PPP1R21: variants seen among roughly 807,000 people sequenced by gnomAD.
PPP1R21 encodes protein phosphatase 1 regulatory subunit 21.
In PPP1R21, 85 loss-of-function variants were observed where a neutral mutation model predicts 112.8. That is an observed-to-expected ratio of 0.75 (90% CI 0.63 to 0.90). The LOEUF (loss-of-function observed/expected upper bound fraction) is 0.90, where lower values mean the gene tolerates loss of function less well. Among genes scored for constraint, PPP1R21 ranks in the 40% least tolerant of loss-of-function variants. PPP1R21 has a pLI of 0.00. For missense variants in PPP1R21, 1,199 were observed against 901.5 expected (o/e 1.33, Z -4.23); for synonymous variants, 381 against 322.3 (o/e 1.18, Z -1.95).
intron 2 of PPP1R21, among the ~76,000 whole-genome samples, chr2:48,454,220 C>G (rs1191459814): frequency 6.6e-6 from 1 of 152,012 alleles, no homozygotes; most frequent in Non-Finnish European, 1.5e-5. Context: ...GAGATTGTGC[C>G]ACTGCACTCC....
intron 16 of PPP1R21, among the ~76,000 whole-genome samples, chr2:48,498,184 CTAGT>C (rs1365078486): frequency 2.0e-5 from 3 of 150,880 alleles, no homozygotes; most frequent in Non-Finnish European, 2.9e-5. Context: ...CTTGTATGTT[CTAGT>C]TATTGGGTCT....
chr2:48,482,521 A>C (rs540265296), intron 13 of PPP1R21, among the ~76,000 whole-genome samples: 34 of 152,292 alleles, frequency 2.2e-4, no homozygotes, highest in African/African-American at 7.9e-4. Flanking sequence ...TTTTGAAGGA[A>C]ACTTATTGTG....
At position 48,515,050 on chromosome 2, in the gene PPP1R21, A is replaced by G; in HGVS notation, c.*306A>G. On this transcript the variant is annotated 3_prime_UTR_variant, in exon 22 of 22. Transcript: ENST00000294952. ...TTAGGTTTTAATTTCAGTATGTAAG[A>G]ACAAATATTTTGTATACTTTCAAAC... 3.0e-6 allele frequency: 1 copy of G among 333,066 alleles called. No homozygotes were observed. Among genetic ancestry groups the G allele is most frequent in the Non-Finnish European group, 5.4e-6 (1 of 185,508 alleles). 20.6% of individuals were successfully genotyped at this position (333,066 alleles called of 1,614,324 possible).
At chr2:48,469,535 T>TAGAGAGAGAG (rs1286076900) in intron 9 of PPP1R21, among the ~76,000 whole-genome samples, 1 of 73,234 alleles carries the variant, frequency 1.4e-5, no homozygotes, top group African/African-American at 5.7e-5. Flanking sequence ...TATATATATA[T>TAGAGAGAGAG]AGAGCATATA....
intron 13 of PPP1R21, among the ~76,000 whole-genome samples, chr2:48,483,923 A>G (rs1446285280): frequency 6.6e-6 from 1 of 151,890 alleles, no homozygotes; most frequent in Non-Finnish European, 1.5e-5. Context: ...CCTGGACTCA[A>G]GTGATCCTTC....
At chr2:48,502,698 T>G (rs1670176101) in intron 17 of PPP1R21, among the ~76,000 whole-genome samples, 1 of 146,870 alleles carries the variant, frequency 6.8e-6, no homozygotes, top group African/African-American at 2.6e-5. Context: ...TTTTTTTTTT[T>G]GAGACGGAGT....
intron 11 of PPP1R21, among the ~76,000 whole-genome samples, chr2:48,472,689 C>G (rs931383606): frequency 2.0e-5 from 3 of 151,694 alleles, no homozygotes; most frequent in Non-Finnish European, 2.9e-5. Flanking sequence ...TGGCACATGC[C>G]TGTAATCCCA....
chr2:48,513,398 C>T (rs932099043), intron 21 of PPP1R21, among the ~76,000 whole-genome samples: 1 of 149,832 alleles, frequency 6.7e-6, no homozygotes, highest in Admixed American at 6.7e-5. Flanking sequence ...ATTTTTGCAA[C>T]AGGGTTTCAC....
chr2:48,448,801 T>G (rs937536216), intron 1 of PPP1R21, among the ~76,000 whole-genome samples: 2 of 152,214 alleles, frequency 1.3e-5, no homozygotes, highest in Admixed American at 6.5e-5. Flanking sequence ...AGAGCAGAGT[T>G]TACCAAGCTC....
chr2:48,461,954 G>T (rs1667997613), intron 7 of PPP1R21, among the ~76,000 whole-genome samples: 1 of 152,128 alleles, frequency 6.6e-6, no homozygotes, highest in Non-Finnish European at 1.5e-5. Flanking sequence ...AAAAATAGCA[G>T]TTTGATTTAA....
Position 48,457,214 on chromosome 2 carries a change from C to G in PPP1R21, c.274-912C>G, listed in dbSNP as rs552953373. Among the ~76,000 whole-genome samples, 7 of 152,274 alleles carry G rather than the reference C, an allele frequency of 4.6e-5. No homozygotes were observed. In the East Asian group the frequency reaches 1.3e-3, roughly 29 times the overall value. On this transcript the variant is annotated intron_variant, in intron 3 of 21. Coordinates refer to ENST00000294952, the MANE Select transcript of PPP1R21 (RefSeq NM_001135629.3). Reference sequence around the variant, plus strand: ...AGAATTAATTTTAATTAAAGCTCATCAAATTTGGAAGCACTAAGGACCCTG... The same window carrying G: ...AGAATTAATTTTAATTAAAGCTCATGAAATTTGGAAGCACTAAGGACCCTG...
Position 48,459,833 on chromosome 2 carries a change from C to A in PPP1R21, c.455C>A (p.Ala152Asp), listed in dbSNP as rs781108104. ...CTGGCCACTCTGGAGACAGAAGCAG[C>A]CCAGCACCAAGCTGTGGTTGACGGT... is the stretch of plus-strand genomic sequence containing the variant. ...SRLATLETEA[A>D]QHQAVVDGLT... Residue 152 changes from alanine (A) to aspartate (D), a missense_variant, in exon 5 of 22, where the codon GCC (alanine) becomes GAC (aspartate). By Grantham distance (126) the Ala-to-Asp change is moderately radical (BLOSUM62 -2). Coordinates refer to ENST00000294952, the MANE Select transcript of PPP1R21 (RefSeq NM_001135629.3). 6.2e-7 allele frequency: 1 copy of A among 1,614,152 alleles called. No individual in the cohort carries two copies. The highest frequency in any genetic ancestry group is 8.5e-7 in the Non-Finnish European group (1 of 1,180,032).
At chr2:48,445,496 C>T (rs1667207449) in intron 1 of PPP1R21, among the ~76,000 whole-genome samples, 1 of 152,152 alleles carries the variant, frequency 6.6e-6, no homozygotes, top group Non-Finnish European at 1.5e-5. Context: ...TGTTAAACTG[C>T]TGATTCTGGT....
At chr2:48,474,919 G>C in intron 12 of PPP1R21, 100 bp downstream of exon 12, 2 of 1,002,148 alleles carry the variant, frequency 2.0e-6, no homozygotes, top group Non-Finnish European at 2.9e-6. Context: ...GAGGAGCATA[G>C]GATCTGGCAT....
rs1266476525 is a variant in PPP1R21, at chr2:48,440,827, GGCGGCGGCT to G, written c.-122_-114del. The G allele has an allele frequency of 1.0e-5, 7 of 689,690 alleles. No homozygotes were observed. In the East Asian group the frequency reaches 1.3e-4, roughly 13 times the overall value. The allele number at this position is 689,690 out of a possible 1,614,324, so 42.7% of individuals were successfully genotyped here. A position where few individuals can be genotyped will look rare whatever the true frequency, so the allele number is the denominator to read the frequency against. On this transcript the variant is annotated 5_prime_UTR_variant, in exon 1 of 22. Coordinates refer to ENST00000294952, the MANE Select transcript of PPP1R21 (RefSeq NM_001135629.3). ...GAGGAGGAGGCGCGGCGGCGGCGGC[GGCGGCGGCT>G]GCGGTGGCCAAGCAGGCAGATACTG...
chr2:48,482,096 T>C lies in PPP1R21; in HGVS notation c.1318+2080T>C, dbSNP rs570148796. On this transcript the variant is annotated intron_variant, in intron 13 of 21. Coordinates refer to ENST00000294952, the MANE Select transcript of PPP1R21 (RefSeq NM_001135629.3). ...AAAACACTGCTGGTCCTAAGCTTTT[T>C]GGATAAGGGATTCTTAATCTATTGG... 3.9e-5 allele frequency among the ~76,000 whole-genome samples: 6 copies of C among 152,370 alleles called. No individual in the cohort carries two copies. The South Asian group carries it at 6.2e-4, about 16-fold the overall frequency.
Position 48,491,092 on chromosome 2 carries a change from A to T in PPP1R21, c.1521A>T (p.Gly507=), listed in dbSNP as rs780728598. 1 of 1,614,164 alleles carries T rather than the reference A, an allele frequency of 6.2e-7. No homozygotes were observed. Among genetic ancestry groups the T allele is most frequent in the Admixed American group, 1.7e-5 (1 of 60,020 alleles). Residue 507 remains glycine (G), a synonymous_variant, in exon 15 of 22, where the codon GGA becomes GGT. Transcript: ENST00000294952. ...SLSYGPKAAS[G]FISPLSAECM... is the part of the protein sequence containing the mutation. The stretch of plus-strand genomic sequence containing the variant: ...GCTATGGACCTAAGGCAGCGAGTGG[A>T]TTCATTAGTCCTCTTTCAGCTGAAT...
At chr2:48,461,415 A>T (rs188149531) in intron 7 of PPP1R21, among the ~76,000 whole-genome samples, 183 bp downstream of exon 7, 1 of 152,198 alleles carries the variant, frequency 6.6e-6, no homozygotes, top group Non-Finnish European at 1.5e-5. Flanking sequence ...TTAAATTGTC[A>T]TATAACTACT....
intron 18 of PPP1R21, 27 bp from the exon 19 acceptor site, chr2:48,507,242 A>G (rs753665725): frequency 4.8e-6 from 6 of 1,247,766 alleles, no homozygotes; most frequent in Non-Finnish European, 3.0e-6. Flanking sequence ...GTACTTGTTT[A>G]TTTATGTGTA....
Sources: allele counts gnomAD v4.1 joint callset (sites outside exome capture counted in the v4.1 genomes callset), GRCh38; gene constraint gnomAD v4.1.1; transcripts MANE v1.5; gene names NCBI Gene and HGNC (gene_info 2026-07-23, HGNC 2026-07-21).